The following SAMMSON variants were observed in gnomAD, a reference collection of about 807,000 sequenced individuals.
The protein encoded by SAMMSON is survival associated mitochondrial melanoma specific oncogenic non-coding RNA.
At chr3:70,048,849 A>G (rs1469496120) in intron 3 of SAMMSON, among the ~76,000 whole-genome samples, 2 of 152,096 alleles carry the variant, frequency 1.3e-5, no homozygotes, top group Non-Finnish European at 2.9e-5. Flanking sequence ...GTTAAACCCT[A>G]CATCTACAAC....
chr3:70,008,091 C>G (rs1353787914), intron 1 of SAMMSON, among the ~76,000 whole-genome samples: 1 of 152,092 alleles, frequency 6.6e-6, no homozygotes, highest in Non-Finnish European at 1.5e-5. Context: ...ATGCCTCCAG[C>G]TTTGTTCTTT....
chr3:70,196,454 TATACA>T (rs1396139001), intron 4 of SAMMSON, among the ~76,000 whole-genome samples: 76 of 152,300 alleles, frequency 5.0e-4, no homozygotes, highest in Non-Finnish European at 4.7e-4. Flanking sequence ...AAAATGATGT[TATACA>T]ATACATTATT....
At chr3:70,064,380 G>A (rs2067201696) in intron 3 of SAMMSON, among the ~76,000 whole-genome samples, 1 of 152,104 alleles carries the variant, frequency 6.6e-6, no homozygotes, top group Non-Finnish European at 1.5e-5. Flanking sequence ...CCAGAAGATG[G>A]TGCAGTGTTC....
chr3:70,017,458 G>C (rs541044009), intron 3 of SAMMSON, among the ~76,000 whole-genome samples: 1 of 152,056 alleles, frequency 6.6e-6, no homozygotes, highest in Admixed American at 6.5e-5. Flanking sequence ...TGCTGAAGTT[G>C]CCTATCAGCT....
At chr3:70,013,704 A>T (rs2107577956) in intron 3 of SAMMSON, 1 of 152,306 alleles carries the variant, frequency 6.6e-6, no homozygotes, top group East Asian at 1.9e-4. Flanking sequence ...TCTTTTTAAA[A>T]CACACATGGA....
intron 4 of SAMMSON, among the ~76,000 whole-genome samples, chr3:70,200,963 T>G (rs116729984): frequency 0.021 from 2,630 of 126,862 alleles, 82 homozygotes; most frequent in African/African-American, 0.069. Flanking sequence ...ATACTTTTTT[T>G]GGGGTGGGGG....
chr3:70,422,771 G>C (rs1013789106), intron 2 of SAMMSON, among the ~76,000 whole-genome samples: 7 of 151,704 alleles, frequency 4.6e-5, no homozygotes, highest in Admixed American at 4.6e-4. Flanking sequence ...ATAAAAAAAA[G>C]CACCAAAATG....
rs34806812 is a variant in SAMMSON, at chr3:70,173,859, C to G, written n.508-75248C>G. ...TTTTGTTACTTTTCATTATAAGAAA[C>G]AACTTAATGCATTTAAGTTGCAGGG... On this transcript the variant is annotated intron_variant and non_coding_transcript_variant, in intron 4 of 9. Coordinates refer to ENST00000642114, the Ensembl canonical transcript of SAMMSON. 8.9e-3 allele frequency among the ~76,000 whole-genome samples: 1,347 copies of G among 151,920 alleles called. 15 individuals carry two copies. The highest frequency in any genetic ancestry group is 0.023 in the African/African-American group (964 of 41,484).
At chr3:70,004,145 C>T (rs2066916781) in intron 1 of SAMMSON, among the ~76,000 whole-genome samples, 1 of 152,090 alleles carries the variant, frequency 6.6e-6, no homozygotes, top group African/African-American at 2.4e-5. Flanking sequence ...CATGCACACA[C>T]ACAGACACAA....
intron 4 of SAMMSON, among the ~76,000 whole-genome samples, chr3:70,150,162 A>G (rs2067565554): frequency 6.6e-6 from 1 of 152,094 alleles, no homozygotes; most frequent in Non-Finnish European, 1.5e-5. Flanking sequence ...ATGTCTGCCA[A>G]GTAAAGCTTT....
chr3:70,263,508 G>A (rs541735183), intron 6 of SAMMSON, among the ~76,000 whole-genome samples: 216 of 152,250 alleles, frequency 1.4e-3, no homozygotes, highest in Non-Finnish European at 2.1e-3. Context: ...GGGAATTCAA[G>A]TAATTTTCAG....
In SAMMSON at chr3:70,126,286, G is replaced by T. The variant is rs2067458690; in HGVS notation, n.507+54721G>T. On this transcript the variant is annotated intron_variant and non_coding_transcript_variant, in intron 4 of 9. Transcript: ENST00000642114. Reference sequence around the variant, plus strand: ...TTTTTTTTTTCAGAGACTGGAGTGGGACATGGGGAGTGAACTTGATCTTGC... The same window carrying T: ...TTTTTTTTTTCAGAGACTGGAGTGGTACATGGGGAGTGAACTTGATCTTGC... The T allele has an allele frequency of 6.1e-6, 7 of 1,150,136 alleles. No homozygotes were observed. In the South Asian group the frequency reaches 9.1e-5, roughly 15 times the overall value. 71.2% of individuals were successfully genotyped at this position (1,150,136 alleles called of 1,614,324 possible).
chr3:70,119,182 T>TGAGTAG (rs2067423110), intron 4 of SAMMSON, among the ~76,000 whole-genome samples: 1 of 152,156 alleles, frequency 6.6e-6, no homozygotes, highest in Middle Eastern at 3.2e-3. Context: ...TTCTCCTACC[T>TGAGTAG]CAGCCTCCTG....
intron 4 of SAMMSON, among the ~76,000 whole-genome samples, chr3:70,232,619 C>T (rs1360291667): frequency 6.6e-6 from 1 of 151,960 alleles, no homozygotes; most frequent in African/African-American, 2.4e-5. Context: ...AGGATGGTCT[C>T]AATCTCCTGA....
At chr3:70,303,360 G>C (rs954856971) in intron 7 of SAMMSON, among the ~76,000 whole-genome samples, 3 of 152,066 alleles carry the variant, frequency 2.0e-5, no homozygotes, top group Non-Finnish European at 4.4e-5. Flanking sequence ...CAAAGTTATT[G>C]AGCTTTCTTC....
chr3:70,136,962 T>C (rs935484961), intron 4 of SAMMSON, among the ~76,000 whole-genome samples: 5 of 152,162 alleles, frequency 3.3e-5, no homozygotes, highest in African/African-American at 1.2e-4. Context: ...TGATAAAACT[T>C]TTTTTGAAAT....
chr3:70,317,988 A>T (rs1204983922), intron 7 of SAMMSON, among the ~76,000 whole-genome samples: 1 of 151,354 alleles, frequency 6.6e-6, no homozygotes, highest in Non-Finnish European at 1.5e-5. Context: ...TATTCTTATC[A>T]TTGTTCCTCT....
At chr3:70,231,715 A>G (rs1250733993) in intron 4 of SAMMSON, among the ~76,000 whole-genome samples, 4 of 152,156 alleles carry the variant, frequency 2.6e-5, no homozygotes, top group Non-Finnish European at 4.4e-5. Context: ...ATACACGGAG[A>G]GAAGAAATGG....
chr3:70,282,209 G>A (rs909189802), intron 6 of SAMMSON, among the ~76,000 whole-genome samples: 1 of 152,138 alleles, frequency 6.6e-6, no homozygotes, highest in Non-Finnish European at 1.5e-5. Flanking sequence ...TTTCCTGGCA[G>A]TATTTGCTGT....
Sources: gnomAD v4.1 joint callset for allele counts (sites outside exome capture counted in the v4.1 genomes callset) on GRCh38, gnomAD v4.1.1 for gene constraint, MANE v1.5 for transcripts, NCBI Gene and HGNC (gene_info 2026-07-23, HGNC 2026-07-21) for gene names.